Variants in NCOA7 observed in about 807,000 individuals in gnomAD.
NCOA7 encodes nuclear receptor coactivator 7.
Under a neutral mutation model 104.3 loss-of-function variants are expected in NCOA7, and 45 were observed. That is an observed-to-expected ratio of 0.43 (90% CI 0.34 to 0.55). The LOEUF (loss-of-function observed/expected upper bound fraction) is 0.55. Among genes scored for constraint, NCOA7 ranks in the 20% least tolerant of loss-of-function variants. The pLI, the probability that NCOA7 is intolerant of heterozygous loss-of-function variation, is 0.02. For synonymous variants in NCOA7, 398 were observed against 402.3 expected, an observed-to-expected ratio of 0.99 and a Z score of 0.13; for missense variants, 1,041 against 1,119.7, an observed-to-expected ratio of 0.93 and a Z score of 1.00.
intron 2 of NCOA7, among the ~76,000 whole-genome samples, chr6:125,835,005 A>G (rs1471163092): frequency 2.6e-5 from 4 of 152,208 alleles, no homozygotes; most frequent in Non-Finnish European, 5.9e-5. Context: ...GGGAAGTAAG[A>G]TGTGATTGCA....
intron 4 of NCOA7, among the ~76,000 whole-genome samples, chr6:125,876,923 A>T (rs971827025): frequency 1.3e-5 from 2 of 152,134 alleles, no homozygotes; most frequent in East Asian, 3.8e-4. Flanking sequence ...TGTCTTTAAT[A>T]ACTGCAGATT....
At position 125,881,097 on chromosome 6, in the gene NCOA7, T is replaced by C. The variant is rs949526741; in HGVS notation, c.467T>C (p.Phe156Ser). 15 of 1,613,250 alleles carry C rather than the reference T, an allele frequency of 9.3e-6. No individual in the cohort carries two copies. Among genetic ancestry groups the C allele is most frequent in the African/African-American group, 1.3e-5 (1 of 74,900 alleles). The change falls in exon 6 of 16, where the codon TTT becomes TCT. Residue 156 changes from phenylalanine (F) to serine (S), a missense_variant. Around this residue, in one of 2 missense-constraint regions of NCOA7, gnomAD observed 914 missense variants for 942.7 expected, o/e 0.97. Coordinates refer to ENST00000392477, the MANE Select transcript of NCOA7 (RefSeq NM_181782.5). ...GTTCTCTCCCATTCTCAGGTCCTTTTTGTGCCAGATGCCAACTCTCCTTCC... is the reference window on the plus strand; with the variant it reads ...GTTCTCTCCCATTCTCAGGTCCTTTCTGTGCCAGATGCCAACTCTCCTTCC... ...THTIVPGQVL[F>S]VPDANSPSST...
intron 2 of NCOA7, among the ~76,000 whole-genome samples, chr6:125,816,060 A>G (rs1016785992): frequency 2.6e-5 from 4 of 152,226 alleles, no homozygotes; most frequent in African/African-American, 9.6e-5. Context: ...TCAGACTCAG[A>G]GAACATAGGC....
intron 1 of NCOA7, among the ~76,000 whole-genome samples, chr6:125,813,855 T>A (rs1019687588): frequency 6.6e-6 from 1 of 152,204 alleles, no homozygotes; most frequent in Admixed American, 6.5e-5. Flanking sequence ...ATAGAAATTA[T>A]ATATATGTTT....
At chr6:125,846,760 T>C (rs896223047) in intron 2 of NCOA7, among the ~76,000 whole-genome samples, 1 of 152,232 alleles carries the variant, frequency 6.6e-6, no homozygotes. Context: ...GCTTGTGAAT[T>C]CCCGCTCCAC....
At chr6:125,901,520 G>A (rs1389796604) in intron 10 of NCOA7, among the ~76,000 whole-genome samples, 1 of 152,230 alleles carries the variant, frequency 6.6e-6, no homozygotes, top group Non-Finnish European at 1.5e-5. Flanking sequence ...GGGGGAGCAC[G>A]CAGGTGAGTG....
At chr6:125,806,500 T>C (rs777385441) in intron 1 of NCOA7, among the ~76,000 whole-genome samples, 2 of 152,206 alleles carry the variant, frequency 1.3e-5, no homozygotes, top group Non-Finnish European at 2.9e-5. Flanking sequence ...AAACATTTAA[T>C]TTAAAAGCTA....
intron 1 of NCOA7, among the ~76,000 whole-genome samples, chr6:125,799,131 T>C (rs1272685256): frequency 6.6e-6 from 1 of 152,150 alleles, no homozygotes; most frequent in South Asian, 2.1e-4. Context: ...GTGTCCTCTC[T>C]ACATTTCATG....
At chr6:125,900,333 G>C (rs1461195002) in intron 10 of NCOA7, among the ~76,000 whole-genome samples, 1 of 152,180 alleles carries the variant, frequency 6.6e-6, no homozygotes, top group Non-Finnish European at 1.5e-5. Context: ...CTGAATCCAC[G>C]CTATGGGCTG....
At chr6:125,785,811 C>A (rs1327498682) in intron 1 of NCOA7, among the ~76,000 whole-genome samples, 2 of 152,128 alleles carry the variant, frequency 1.3e-5, no homozygotes, top group Non-Finnish European at 2.9e-5. Context: ...ATTTATTGGG[C>A]TAACTCTAAA....
intron 3 of NCOA7, among the ~76,000 whole-genome samples, chr6:125,865,721 T>A (rs900180583): frequency 2.2e-5 from 3 of 137,356 alleles, no homozygotes. Flanking sequence ...TGGAGTGTAG[T>A]AGTGCAATCA....
At position 125,816,861 on chromosome 6, in the gene NCOA7, C is replaced by T. The variant is rs75253603; in HGVS notation, c.50+1457C>T. 8.7e-4 allele frequency among the ~76,000 whole-genome samples: 132 copies of T among 152,134 alleles called. 2 individuals are homozygous for T. The East Asian group carries it at 0.022, about 26-fold the overall frequency. The stretch of plus-strand genomic sequence containing the variant: ...ATCACATGTAGATTTCTGTGGTCAC[C>T]ATCAGTCAAGATACAGAACAGTTGC... On this transcript the variant is annotated intron_variant, in intron 2 of 15. Coordinates refer to ENST00000392477, the MANE Select transcript of NCOA7 (RefSeq NM_181782.5).
At chr6:125,877,608 A>G (rs1783488635) in intron 4 of NCOA7, among the ~76,000 whole-genome samples, 1 of 152,194 alleles carries the variant, frequency 6.6e-6, no homozygotes, top group Non-Finnish European at 1.5e-5. Flanking sequence ...AAGGAAAGAA[A>G]AGTGTACACC....
In NCOA7 at chr6:125,889,141, T is replaced by C. The variant is rs749547398; in HGVS notation, c.1087T>C (p.Ser363Pro). Residue 363 changes from serine to proline, a missense_variant, in exon 9 of 16, where the codon TCA (serine) becomes CCA (proline). Ser to Pro is a moderately conservative substitution (Grantham distance 74). Transcript: ENST00000392477. ...CACAGGACATACACCTACAAAGCCCTCAGGCAGCTCTGTGTCAGAGAAATT... is the reference window on the plus strand; with the variant it reads ...CACAGGACATACACCTACAAAGCCCCCAGGCAGCTCTGTGTCAGAGAAATT... The part of the protein sequence containing the change: ...KSTGHTPTKP[S>P]GSSVSEKLKK... The C allele has an allele frequency of 6.2e-7, 1 of 1,614,158 alleles. No homozygotes were observed. The highest frequency in any genetic ancestry group is 1.1e-5 in the South Asian group (1 of 91,084).
intron 10 of NCOA7, among the ~76,000 whole-genome samples, chr6:125,902,393 C>G (rs1308788307): frequency 6.6e-6 from 1 of 152,114 alleles, no homozygotes; most frequent in East Asian, 1.9e-4. Flanking sequence ...TTTCCCAAAA[C>G]CTCCAGCTAG....
Position 125,921,327 on chromosome 6 carries a change from T to G in NCOA7, c.2370+259T>G, listed in dbSNP as rs564025021. On this transcript the variant is annotated intron_variant, in intron 12 of 15. Transcript: ENST00000392477. ...CAGGAGGCTGAGACAGGAGAATTGC[T>G]TGAGCCTGGGAGGTGGAGGTTGCAG... is the stretch of plus-strand genomic sequence containing the variant. Among the ~76,000 whole-genome samples the G allele has an allele frequency of 2.1e-3, 317 of 152,238 alleles. 2 individuals carry two copies. Among genetic ancestry groups the G allele is most frequent in the African/African-American group, 7.4e-3 (309 of 41,548 alleles).
At chr6:125,845,442 G>A (rs552656131) in intron 2 of NCOA7, among the ~76,000 whole-genome samples, 2 of 152,188 alleles carry the variant, frequency 1.3e-5, no homozygotes, top group African/African-American at 4.8e-5. Flanking sequence ...TATGCTTACC[G>A]TACAAAAGAT....
intron 3 of NCOA7, among the ~76,000 whole-genome samples, chr6:125,856,574 G>A (rs539361277): frequency 1.3e-5 from 2 of 152,196 alleles, no homozygotes; most frequent in South Asian, 4.2e-4. Context: ...GGATGGTCTC[G>A]ATCTCTTGAC....
rs143077510 is a variant in NCOA7 at position 125,841,212 on chromosome 6, G to A, written c.51-13808G>A. Among the ~76,000 whole-genome samples the A allele has an allele frequency of 8.0e-3, 1,208 of 151,888 alleles. 12 individuals carry two copies. Among genetic ancestry groups the A allele is most frequent in the African/African-American group, 0.028 (1,163 of 41,404 alleles). On this transcript the variant is annotated intron_variant, in intron 2 of 15. Transcript: ENST00000392477. ...GCCTACCTTTTATGTTTTTACACCT[G>A]TTTAGATACACAAATACTTACTGGT... is the stretch of plus-strand genomic sequence containing the variant.
Sources: allele counts gnomAD v4.1 joint callset (sites outside exome capture counted in the v4.1 genomes callset), GRCh38; gene constraint gnomAD v4.1.1; regional missense constraint gnomAD v4.1.1; transcripts MANE v1.5; gene names NCBI Gene and HGNC (gene_info 2026-07-23, HGNC 2026-07-21).